The following DHRSX variants were observed in gnomAD, a reference collection of about 807,000 sequenced individuals.
DHRSX encodes the protein dehydrogenase/reductase X-linked.
In DHRSX, 31 loss-of-function variants were observed where a neutral mutation model predicts 34.0. The observed-to-expected ratio is 0.91, with a 90% CI of 0.69 to 1.23. The LOEUF is 1.23. Among genes scored for constraint, DHRSX ranks in the 50% most tolerant of loss-of-function variants. The pLI is 0.00. For synonymous variants in DHRSX, 201 were observed against 183.8 expected, an observed-to-expected ratio of 1.09 and a Z score of -0.76; for missense variants, 414 against 428.1, an observed-to-expected ratio of 0.97 and a Z score of 0.29.
chrX:2,314,783 G>A (rs189656205), intron 3 of DHRSX, among the ~76,000 whole-genome samples: 204 of 152,140 alleles, frequency 1.3e-3, no homozygotes, highest in African/African-American at 4.5e-3. Context: ...TCAGAACTTC[G>A]TCCTCATGAT....
In DHRSX at chrX:2,348,882, C is replaced by T. The variant is rs140008241; in HGVS notation, c.287-57279G>A. Among the ~76,000 whole-genome samples, 360 of 151,886 alleles carry T rather than the reference C, an allele frequency of 2.4e-3. 5 individuals are homozygous for T. Among genetic ancestry groups the T allele is most frequent in the Admixed American group, 4.5e-3 (68 of 15,234 alleles). The stretch of plus-strand genomic sequence containing the variant: ...CTAATTTTTGTATTTTTAGTAGAGA[C>T]GACATTTCACCACGTTGGCCAAGCT... On this transcript the variant is annotated intron_variant, in intron 3 of 6. Coordinates refer to ENST00000334651, the MANE Select transcript of DHRSX (RefSeq NM_145177.3).
intron 3 of DHRSX, among the ~76,000 whole-genome samples, chrX:2,368,051 T>C (rs1187159324): frequency 6.6e-6 from 1 of 151,980 alleles, no homozygotes; most frequent in African/African-American, 2.4e-5. Context: ...AAGACCAGCC[T>C]GGCCAACATG....
intron 1 of DHRSX, among the ~76,000 whole-genome samples, chrX:2,430,989 C>T (rs2043911707): frequency 6.6e-6 from 1 of 151,956 alleles, no homozygotes; most frequent in Non-Finnish European, 1.5e-5. Context: ...CATACCACTG[C>T]ACTCCAGCCT....
intron 3 of DHRSX, among the ~76,000 whole-genome samples, chrX:2,317,959 G>T (rs1031566686): frequency 6.6e-6 from 1 of 152,056 alleles, no homozygotes; most frequent in Non-Finnish European, 1.5e-5. Flanking sequence ...AGATTTTGGA[G>T]CCCACAAGAA....
intron 3 of DHRSX, among the ~76,000 whole-genome samples, chrX:2,379,595 GTTTTTT>G: frequency 9.6e-6 from 1 of 103,966 alleles, no homozygotes; most frequent in East Asian, 2.7e-4. Flanking sequence ...GGCAGTGGAG[GTTTTTT>G]TTTTTTTTTT....
intron 1 of DHRSX, among the ~76,000 whole-genome samples, chrX:2,457,294 G>T (rs1453847933): frequency 4.0e-5 from 6 of 149,036 alleles, no homozygotes; most frequent in Admixed American, 4.0e-4. Flanking sequence ...GAATGTGGCA[G>T]CGGGATGGCC....
In DHRSX at chrX:2,241,398, T is replaced by G. The variant is rs749455070; in HGVS notation, c.804+1625A>C. On this transcript the variant is annotated intron_variant, in intron 6 of 6. Transcript: ENST00000334651. ...TAACTTCCCCCTCCTGCTTCCTCTG[T>G]GTCTCCCGATGCACAGGATGAAGTT... Among the ~76,000 whole-genome samples, 10 of 152,296 alleles carry G rather than the reference T, an allele frequency of 6.6e-5. No homozygotes were observed. The South Asian group carries it at 2.1e-3, about 32-fold the overall frequency.
intron 1 of DHRSX, among the ~76,000 whole-genome samples, chrX:2,450,476 G>C (rs940232656): frequency 1.3e-5 from 2 of 151,986 alleles, no homozygotes; most frequent in Admixed American, 6.6e-5. Context: ...AAAAAAGAAT[G>C]TTAGATAGTA....
intron 1 of DHRSX, among the ~76,000 whole-genome samples, chrX:2,453,008 T>A (rs2044246432): frequency 6.6e-6 from 1 of 152,106 alleles, no homozygotes; most frequent in Non-Finnish European, 1.5e-5. Context: ...CAAACAAATG[T>A]GGCATAGACA....
chrX:2,282,608 AGAAAGAGGG>A (rs1174136799), intron 4 of DHRSX, among the ~76,000 whole-genome samples: 6 of 84,342 alleles, frequency 7.1e-5, no homozygotes, highest in South Asian at 4.6e-4. Context: ...GGGAGAGAGA[AGAAAGAGGG>A]GAGGGAGAGA....
At chrX:2,488,548 C>T (rs1425572260) in intron 1 of DHRSX, 1 of 1,477,940 alleles carries the variant, frequency 6.8e-7, no homozygotes, top group South Asian at 1.4e-5. Flanking sequence ...CTCTGAGGTT[C>T]AAAACCAAGC....
chrX:2,221,082 T>C lies in DHRSX; in HGVS notation c.952A>G (p.Lys318Glu). ...NQKLQQQLWS[K>E]SCEMTGVLDV... Reference sequence around the variant, plus strand: ...AGGACCCCAGTCATCTCACAACTCTTAGACCACAGCTGCTGCTGCAGTTTC... The same window carrying C: ...AGGACCCCAGTCATCTCACAACTCTCAGACCACAGCTGCTGCTGCAGTTTC... The change falls in exon 7 of 7, where the codon AAG (lysine) becomes GAG (glutamate). Residue 318 changes from lysine to glutamate, a missense_variant. Transcript: ENST00000334651. The C allele has an allele frequency of 6.2e-7, 1 of 1,613,924 alleles. No individual in the cohort carries two copies. The highest frequency in any genetic ancestry group is 2.2e-5 in the East Asian group (1 of 44,878).
chrX:2,310,629 CAG>C lies in DHRSX; in HGVS notation c.287-19028_287-19027del, dbSNP rs373726573. Among the ~76,000 whole-genome samples the C allele has an allele frequency of 3.0e-4, 45 of 150,754 alleles. 1 individual carries two copies. Among genetic ancestry groups the C allele is most frequent in the African/African-American group, 1.0e-3 (43 of 41,022 alleles). On this transcript the variant is annotated intron_variant, in intron 3 of 6. Transcript: ENST00000334651. ...GAGAGGAAGAAAAAAGAACAAAACA[CAG>C]AGAAAGTTATGGAGAAAGAGAGGGT...
At position 2,266,958 on chromosome X, in the gene DHRSX, G is replaced by C. The variant is rs1235374119; in HGVS notation, c.389-11C>G. The C allele has an allele frequency of 6.2e-7, 1 of 1,613,614 alleles. No homozygotes were observed. Among genetic ancestry groups the C allele is most frequent in the Admixed American group, 1.7e-5 (1 of 60,010 alleles). On this transcript the variant is annotated splice_polypyrimidine_tract_variant and intron_variant, in intron 4 of 6. Transcript: ENST00000334651. ...CCATCATCACCCCAGCTGGACAAAA[G>C]AGAATATCAGAAGGAGTTAGACTGG...
At chrX:2,431,610 A>G (rs2043923768) in intron 1 of DHRSX, among the ~76,000 whole-genome samples, 1 of 152,188 alleles carries the variant, frequency 6.6e-6, no homozygotes, top group African/African-American at 2.4e-5. Context: ...TTGCAGCAAT[A>G]TAGATGCAAG....
chrX:2,260,498 T>C (rs775259789), intron 5 of DHRSX, among the ~76,000 whole-genome samples: 99 of 151,924 alleles, frequency 6.5e-4, no homozygotes, highest in African/African-American at 2.3e-3. Flanking sequence ...TCGCTCTTGT[T>C]GCCCAGGCTG....
intron 3 of DHRSX, among the ~76,000 whole-genome samples, chrX:2,360,148 CCT>C (rs1459922498): frequency 6.6e-6 from 1 of 151,860 alleles, no homozygotes; most frequent in Admixed American, 6.6e-5. Flanking sequence ...ATGAAGCTTC[CCT>C]GAGTGCAAAA....
intron 3 of DHRSX, among the ~76,000 whole-genome samples, chrX:2,389,421 AG>A (rs1408130153): frequency 6.8e-6 from 1 of 147,762 alleles, no homozygotes. Context: ...GTAACCTGGG[AG>A]GGGGTGGGTA....
At chrX:2,488,837 A>C in intron 1 of DHRSX, 2 of 1,613,726 alleles carry the variant, frequency 1.2e-6, no homozygotes, top group Non-Finnish European at 1.7e-6. Flanking sequence ...GGCGCTGACC[A>C]CGTTGGCGGC....
Sources: gnomAD v4.1 joint callset for allele counts (sites outside exome capture counted in the v4.1 genomes callset) on GRCh38, gnomAD v4.1.1 for gene constraint, MANE v1.5 for transcripts, NCBI Gene and HGNC (gene_info 2026-07-23, HGNC 2026-07-21) for gene names.